Variants in GABRB2 observed in about 807,000 individuals in gnomAD.
GABRB2 encodes gamma-aminobutyric acid type A receptor subunit beta2.
In GABRB2, 16 loss-of-function variants were observed where a neutral mutation model predicts 54.7. That is an observed-to-expected ratio of 0.29 (90% confidence interval 0.20 to 0.44). The LOEUF is 0.44. GABRB2 is among the 20% of genes least tolerant of loss of function. GABRB2 has a pLI of 1.00. For missense variants in GABRB2, 355 were observed against 644.0 expected, an observed-to-expected ratio of 0.55 and a Z score of 4.86; for synonymous variants, 244 against 233.8, an observed-to-expected ratio of 1.04 and a Z score of -0.40.
chr5:161,490,779 C>T (rs1759074469), intron 3 of GABRB2, among the ~76,000 whole-genome samples: 1 of 151,852 alleles, frequency 6.6e-6, no homozygotes, highest in South Asian at 2.1e-4. Flanking sequence ...TCCTGGTGAA[C>T]ATTTTCTTCA....
intron 5 of GABRB2, among the ~76,000 whole-genome samples, chr5:161,350,808 G>T (rs1261579143): frequency 6.6e-6 from 1 of 152,092 alleles, no homozygotes; most frequent in African/African-American, 2.4e-5. Context: ...CATGCTCAAT[G>T]CTTCCTGCCC....
chr5:161,389,344 C>T (rs990905901), intron 5 of GABRB2, among the ~76,000 whole-genome samples: 2 of 151,808 alleles, frequency 1.3e-5, no homozygotes, highest in Admixed American at 6.6e-5. Flanking sequence ...ATACATATTC[C>T]CCAAATTATT....
intron 2 of GABRB2, among the ~76,000 whole-genome samples, 157 bp downstream of exon 2, chr5:161,546,165 C>A (rs1760980956): frequency 6.6e-6 from 1 of 152,178 alleles, no homozygotes; most frequent in Non-Finnish European, 1.5e-5. Flanking sequence ...TAGCAATAAT[C>A]CAGCTTAAGT....
At chr5:161,324,629 TC>T (rs1758311230) in intron 9 of GABRB2, among the ~76,000 whole-genome samples, 1 of 152,048 alleles carries the variant, frequency 6.6e-6, no homozygotes, top group South Asian at 2.1e-4. Flanking sequence ...CCACTAATCT[TC>T]CCAGTACCTT....
At chr5:161,515,372 GT>G (rs1399889047) in intron 3 of GABRB2, among the ~76,000 whole-genome samples, 5 of 152,058 alleles carry the variant, frequency 3.3e-5, no homozygotes, top group Admixed American at 3.3e-4. Flanking sequence ...TCGGGGGATA[GT>G]TTGCAAAACA....
intron 4 of GABRB2, among the ~76,000 whole-genome samples, chr5:161,414,370 T>C (rs181016900): frequency 6.6e-6 from 1 of 152,224 alleles, no homozygotes; most frequent in Non-Finnish European, 1.5e-5. Context: ...CAACTTTTTT[T>C]ATAGTTATTA....
chr5:161,416,280 A>T (rs1272597934), intron 4 of GABRB2, among the ~76,000 whole-genome samples: 1 of 152,092 alleles, frequency 6.6e-6, no homozygotes, highest in Non-Finnish European at 1.5e-5. Flanking sequence ...TCCAAGTTTG[A>T]TAATGACCAA....
intron 5 of GABRB2, among the ~76,000 whole-genome samples, chr5:161,364,675 A>C (rs1300593227): frequency 2.0e-5 from 3 of 152,124 alleles, no homozygotes; most frequent in African/African-American, 7.2e-5. Flanking sequence ...AACTTTTGAT[A>C]CTTCTTTCCC....
Position 161,363,694 on chromosome 5 carries a change from C to T in GABRB2, c.542-26925G>A, listed in dbSNP as rs556464912. Among the ~76,000 whole-genome samples, 34 of 151,984 alleles carry T rather than the reference C, an allele frequency of 2.2e-4. 1 individual carries two copies. Among genetic ancestry groups the T allele is most frequent in the Admixed American group, 1.9e-3 (29 of 15,266 alleles). ...TCCAGCCTGTGCCACAGAGCAATGC[C>T]CTGCCTCAAAAAAACAAAAAGAAAC... On this transcript the variant is annotated intron_variant, in intron 5 of 9. Coordinates refer to ENST00000393959, the MANE Select transcript of GABRB2 (RefSeq NM_001371727.1).
chr5:161,485,867 G>C (rs1758907622), intron 3 of GABRB2, among the ~76,000 whole-genome samples: 1 of 151,902 alleles, frequency 6.6e-6, no homozygotes, highest in Non-Finnish European at 1.5e-5. Flanking sequence ...AGTGATTTGT[G>C]GGGTGTTGCA....
intron 5 of GABRB2, among the ~76,000 whole-genome samples, chr5:161,349,252 TA>T (rs1051273809): frequency 2.0e-5 from 3 of 150,628 alleles, no homozygotes; most frequent in Admixed American, 6.6e-5. Context: ...TAAATAAACT[TA>T]AAAAAAAACC....
chr5:161,336,814 C>T (rs866868103), intron 5 of GABRB2, 45 bp from the exon 6 acceptor site: 4 of 1,106,840 alleles, frequency 3.6e-6, no homozygotes, highest in Non-Finnish European at 4.8e-6. Context: ...ATACAGAAAA[C>T]AAAAAAAAAA....
chr5:161,515,624 C>T (rs1031491807), intron 3 of GABRB2, among the ~76,000 whole-genome samples: 2 of 152,066 alleles, frequency 1.3e-5, no homozygotes, highest in South Asian at 2.1e-4. Context: ...ATTATCTAAG[C>T]TTGTTAGAGT....
intron 5 of GABRB2, among the ~76,000 whole-genome samples, chr5:161,365,134 C>A (rs1288362460): frequency 6.6e-6 from 1 of 152,160 alleles, no homozygotes; most frequent in Non-Finnish European, 1.5e-5. Context: ...CAGACCAATG[C>A]TCTTCATCAT....
intron 4 of GABRB2, among the ~76,000 whole-genome samples, chr5:161,414,539 A>T (rs151089744): frequency 6.6e-6 from 1 of 152,194 alleles, no homozygotes; most frequent in East Asian, 1.9e-4. Context: ...GCTTCCCAAC[A>T]CATAAATATG....
intron 4 of GABRB2, among the ~76,000 whole-genome samples, chr5:161,456,178 C>G (rs1410596620): frequency 6.6e-6 from 1 of 152,152 alleles, no homozygotes; most frequent in Non-Finnish European, 1.5e-5. Context: ...TTTCTTCTGC[C>G]AGCTTCCCAT....
chr5:161,503,055 G>T (rs1759496937), intron 3 of GABRB2, among the ~76,000 whole-genome samples: 1 of 151,344 alleles, frequency 6.6e-6, no homozygotes, highest in South Asian at 2.1e-4. Context: ...TAGACTAGAA[G>T]CAGCAAGAAA....
At position 161,512,647 on chromosome 5, in the gene GABRB2, T is replaced by G. The variant is rs150017796; in HGVS notation, c.237+32580A>C. The stretch of plus-strand genomic sequence containing the variant: ...TACCTAGGAAATATCATTCTGGACA[T>G]TAGCTTTGGGAAAGAATTTATGACT... On this transcript the variant is annotated intron_variant, in intron 3 of 9. Coordinates refer to ENST00000393959, the MANE Select transcript of GABRB2 (RefSeq NM_001371727.1). Among the ~76,000 whole-genome samples, 570 of 152,210 alleles carry G rather than the reference T, an allele frequency of 3.7e-3. 1 individual carries two copies. The highest frequency in any genetic ancestry group is 5.7e-3 in the Non-Finnish European group (385 of 67,970).
chr5:161,324,871 AT>A (rs1223323527), intron 9 of GABRB2, among the ~76,000 whole-genome samples: 1 of 152,092 alleles, frequency 6.6e-6, no homozygotes, highest in Non-Finnish European at 1.5e-5. Flanking sequence ...TTAATATGAT[AT>A]TTTATGAGAT....
Sources: gnomAD v4.1 joint callset for allele counts (sites outside exome capture counted in the v4.1 genomes callset) on GRCh38, gnomAD v4.1.1 for gene constraint, MANE v1.5 for transcripts, NCBI Gene and HGNC (gene_info 2026-07-23, HGNC 2026-07-21) for gene names.